Variants in GPR176 observed in about 807,000 individuals in gnomAD.
The protein encoded by GPR176 is G-protein coupled receptor 176.
GPR176 carries 26 observed loss-of-function variants against 35.4 expected under a neutral mutation model. The ratio of observed to expected loss-of-function variants is 0.74; its 90% CI spans 0.54 to 1.02. GPR176 has a LOEUF of 1.02. Among genes scored for constraint, GPR176 ranks in the 50% least tolerant of loss-of-function variants. The pLI is 0.00. For synonymous variants in GPR176, 278 were observed against 271.3 expected (o/e 1.02, Z -0.24); for missense variants, 597 against 665.3 (o/e 0.90, Z 1.13).
chr15:39,807,220 C>T lies in GPR176; in HGVS notation c.211G>A (p.Val71Met), dbSNP rs916565926. ...AACCTGTTGGTGACAGATTTGAACA[C>T]GGTTGTGCGGCAAGTTGACCATAAC... ...MVLWSTCRTT[V>M]FKSVTNRFIK... Residue 71 changes from valine to methionine, a missense_variant, in exon 2 of 3, where the codon GTG becomes ATG. Physicochemically the swap from Val to Met is conservative, Grantham distance 21. This residue lies in a region of GPR176 where 126 missense variants were observed against 112.4 expected (regional missense o/e 1.12). Transcript: ENST00000561100. 9 of 1,608,130 alleles carry T rather than the reference C, an allele frequency of 5.6e-6. No homozygotes were observed. In the East Asian group the frequency reaches 6.7e-5, roughly 12 times the overall value.
intron 1 of GPR176, among the ~76,000 whole-genome samples, chr15:39,887,125 T>C (rs1281377963): frequency 6.6e-6 from 1 of 152,204 alleles, no homozygotes; most frequent in Non-Finnish European, 1.5e-5. Flanking sequence ...GTTCAGTAGA[T>C]TGGGAGTGCA....
chr15:39,829,424 G>A, intron 1 of GPR176: 4 of 955,826 alleles, frequency 4.2e-6, no homozygotes, highest in Non-Finnish European at 5.3e-6. Context: ...TGAGGTTGCA[G>A]GATCTACAGG....
chr15:39,916,320 ATACC>A (rs1024077424), intron 1 of GPR176, among the ~76,000 whole-genome samples: 7 of 152,226 alleles, frequency 4.6e-5, no homozygotes, highest in Non-Finnish European at 1.0e-4. Context: ...TATCTACAAC[ATACC>A]TAAAGATATG....
At chr15:39,907,129 A>C (rs1352715740) in intron 1 of GPR176, among the ~76,000 whole-genome samples, 1 of 152,270 alleles carries the variant, frequency 6.6e-6, no homozygotes, top group African/African-American at 2.4e-5. Flanking sequence ...CATCTAGGAA[A>C]GAACATTCTA....
intron 1 of GPR176, among the ~76,000 whole-genome samples, chr15:39,891,327 T>C (rs1325150161): frequency 6.6e-6 from 1 of 152,210 alleles, no homozygotes; most frequent in Non-Finnish European, 1.5e-5. Context: ...CAAGAGATGC[T>C]CTTGACAGGA....
intron 1 of GPR176, among the ~76,000 whole-genome samples, chr15:39,915,651 G>C (rs2033707944): frequency 6.6e-6 from 1 of 152,138 alleles, no homozygotes; most frequent in African/African-American, 2.4e-5. Flanking sequence ...GAGGCGGATG[G>C]ATCATCTGAG....
chr15:39,865,332 A>T (rs1341822825), intron 1 of GPR176, among the ~76,000 whole-genome samples: 1 of 152,206 alleles, frequency 6.6e-6, no homozygotes, highest in Non-Finnish European at 1.5e-5. Flanking sequence ...GAATAAAGAA[A>T]ATGTTACATA....
At chr15:39,819,091 A>C (rs1424524278) in intron 1 of GPR176, among the ~76,000 whole-genome samples, 1 of 152,236 alleles carries the variant, frequency 6.6e-6, no homozygotes, top group Non-Finnish European at 1.5e-5. Context: ...AGGTATATGG[A>C]GAAAACTTCC....
chr15:39,812,505 C>T (rs142342112), intron 1 of GPR176, among the ~76,000 whole-genome samples: 166 of 152,240 alleles, frequency 1.1e-3, no homozygotes, highest in Non-Finnish European at 1.9e-3. Context: ...GCTTTTGGAC[C>T]TTTGGCTACA....
At position 39,846,636 on chromosome 15, in the gene GPR176, T is replaced by A. The variant is rs7172174; in HGVS notation, c.173-39378A>T. Among the ~76,000 whole-genome samples the A allele has an allele frequency of 2.0e-3, 308 of 152,236 alleles. 2 individuals carry two copies. Among genetic ancestry groups the A allele is most frequent in the African/African-American group, 6.7e-3 (279 of 41,544 alleles). Reference sequence around the variant, plus strand: ...TAGGGATAAGAAACTAGAATGAAAGTAGATTTCTCACTAGAAATCATACAG... The same window carrying A: ...TAGGGATAAGAAACTAGAATGAAAGAAGATTTCTCACTAGAAATCATACAG... On this transcript the variant is annotated intron_variant, in intron 1 of 2. Transcript: ENST00000561100.
At chr15:39,823,097 G>A (rs927409466) in intron 1 of GPR176, among the ~76,000 whole-genome samples, 1 of 152,084 alleles carries the variant, frequency 6.6e-6, no homozygotes, top group Non-Finnish European at 1.5e-5. Flanking sequence ...ATTTTTTGCT[G>A]GCTTCTCTTC....
chr15:39,874,089 G>C (rs1274664246), intron 1 of GPR176, among the ~76,000 whole-genome samples: 2 of 152,196 alleles, frequency 1.3e-5, no homozygotes, highest in African/African-American at 2.4e-5. Flanking sequence ...AGTGACTTAC[G>C]TAAGTCTGCA....
chr15:39,818,755 T>A (rs959508475), intron 1 of GPR176, among the ~76,000 whole-genome samples: 3 of 152,216 alleles, frequency 2.0e-5, no homozygotes, highest in South Asian at 2.1e-4. Context: ...CTGAAATTAG[T>A]CATTCACGTC....
intron 1 of GPR176, among the ~76,000 whole-genome samples, chr15:39,906,386 A>T (rs2033423106): frequency 6.6e-6 from 1 of 152,156 alleles, no homozygotes; most frequent in Non-Finnish European, 1.5e-5. Flanking sequence ...TACACACCTA[A>T]TAGCCATGTG....
intron 1 of GPR176, among the ~76,000 whole-genome samples, chr15:39,895,241 G>T (rs1482031749): frequency 6.9e-6 from 1 of 145,166 alleles, no homozygotes; most frequent in African/African-American, 2.6e-5. Context: ...CGTGGGGAGA[G>T]GGAGAGGGAG....
intron 1 of GPR176, among the ~76,000 whole-genome samples, chr15:39,873,560 G>T (rs1370572818): frequency 6.6e-6 from 1 of 151,796 alleles, no homozygotes; most frequent in Non-Finnish European, 1.5e-5. Context: ...GGTGACCTAG[G>T]CTCATACATT....
At chr15:39,902,407 TA>T (rs1315932586) in intron 1 of GPR176, among the ~76,000 whole-genome samples, 3 of 152,200 alleles carry the variant, frequency 2.0e-5, no homozygotes, top group African/African-American at 7.2e-5. Flanking sequence ...ATCTTAAGAA[TA>T]ATAGCATCCT....
intron 1 of GPR176, among the ~76,000 whole-genome samples, chr15:39,880,924 C>G (rs74872223): frequency 6.6e-6 from 1 of 152,168 alleles, no homozygotes; most frequent in African/African-American, 2.4e-5. Context: ...CCAGCCTTCA[C>G]CCAGCCCACA....
chr15:39,827,904 G>A (rs1900787966), intron 1 of GPR176, among the ~76,000 whole-genome samples: 1 of 152,208 alleles, frequency 6.6e-6, no homozygotes, highest in Admixed American at 6.5e-5. Context: ...AAAACAATCT[G>A]AATGTCCATC....
Sources: allele counts gnomAD v4.1 joint callset (sites outside exome capture counted in the v4.1 genomes callset), GRCh38; gene constraint gnomAD v4.1.1; regional missense constraint gnomAD v4.1.1; transcripts MANE v1.5; gene names NCBI Gene and HGNC (gene_info 2026-07-23, HGNC 2026-07-21).